FKBP3: variants seen among roughly 807,000 people sequenced by gnomAD.
FKBP3 encodes the protein peptidyl-prolyl cis-trans isomerase FKBP3.
A neutral mutation model predicts 30.6 loss-of-function variants in FKBP3; 21 were observed. The observed-to-expected ratio is 0.69, with a 90% CI of 0.49 to 0.99. The LOEUF (loss-of-function observed/expected upper bound fraction) is 0.99. Among genes scored for constraint, FKBP3 ranks in the 50% least tolerant of loss-of-function variants. The pLI is 0.00. For synonymous variants in FKBP3, 82 were observed against 91.3 expected (o/e 0.90, Z 0.58); for missense variants, 283 against 261.6 (o/e 1.08, Z -0.56).
At chr14:45,117,842 T>C (rs1402406853) in intron 6 of FKBP3, among the ~76,000 whole-genome samples, 186 bp downstream of exon 6, 1 of 152,230 alleles carries the variant, frequency 6.6e-6, no homozygotes, top group Non-Finnish European at 1.5e-5. Context: ...GTTTGAACTT[T>C]ATATCAATAG....
At chr14:45,132,987 GTTCT>G (rs1036427849) in intron 1 of FKBP3, among the ~76,000 whole-genome samples, 15 of 152,272 alleles carry the variant, frequency 9.9e-5, no homozygotes, top group African/African-American at 2.9e-4. Context: ...CCCGACACAT[GTTCT>G]TTTTCACCCT....
At chr14:45,131,575 G>A (rs558322779) in intron 1 of FKBP3, among the ~76,000 whole-genome samples, 26 of 143,796 alleles carry the variant, frequency 1.8e-4, no homozygotes, top group African/African-American at 6.2e-4. Context: ...GTTGCAGTGA[G>A]CCGAGATCGC....
At chr14:45,133,028 CTT>C (rs930198765) in intron 1 of FKBP3, among the ~76,000 whole-genome samples, 2 of 152,164 alleles carry the variant, frequency 1.3e-5, no homozygotes, top group African/African-American at 4.8e-5. Flanking sequence ...GAGAATAGTT[CTT>C]GTTACAGATG....
intron 3 of FKBP3, among the ~76,000 whole-genome samples, chr14:45,126,480 C>T (rs944558894): frequency 1.3e-5 from 2 of 151,610 alleles, no homozygotes; most frequent in Non-Finnish European, 2.9e-5. Context: ...AGAGCGTGAC[C>T]CCGTCTCAAA....
At chr14:45,131,873 A>G (rs911788945) in intron 1 of FKBP3, among the ~76,000 whole-genome samples, 1 of 152,234 alleles carries the variant, frequency 6.6e-6, no homozygotes, top group African/African-American at 2.4e-5. Flanking sequence ...TCAAGGTAAC[A>G]GCGGAATTGC....
At chr14:45,118,588 G>A (rs1884909920) in intron 5 of FKBP3, among the ~76,000 whole-genome samples, 1 of 151,992 alleles carries the variant, frequency 6.6e-6, no homozygotes, top group South Asian at 2.1e-4. Flanking sequence ...CCAGGATTGA[G>A]CCACTGCACT....
intron 3 of FKBP3, among the ~76,000 whole-genome samples, chr14:45,127,411 G>C (rs1196581740): frequency 6.6e-6 from 1 of 151,548 alleles, no homozygotes; most frequent in African/African-American, 2.4e-5. Context: ...CACCATGCCT[G>C]GCCTCCCAAC....
chr14:45,121,521 G>T lies in FKBP3; in HGVS notation c.418C>A (p.Gln140Lys), dbSNP rs1315616175. The change falls in exon 4 of 7, where the codon CAA becomes AAA. Residue 140 changes from glutamine (Q) to lysine (K), a missense_variant. Gln to Lys is a moderately conservative substitution (Grantham distance 53, BLOSUM62 1). Transcript: ENST00000396062. ...TTAGTATCAAAAACAGTCCCATCTT[G>T]TAGTGTTCCTGTATACCAGCAGTGA... Reference protein sequence around the residue: ...VVHCWYTGTLQDGTVFDTNIQ... With the variant: ...VVHCWYTGTLKDGTVFDTNIQ... 6.2e-7 allele frequency: 1 copy of T among 1,613,378 alleles called. No individual in the cohort carries two copies.
chr14:45,132,594 T>A (rs1231254838), intron 1 of FKBP3, among the ~76,000 whole-genome samples: 1 of 151,400 alleles, frequency 6.6e-6, no homozygotes, highest in East Asian at 1.9e-4. Flanking sequence ...AGAAATGAGG[T>A]TTCGCTACGT....
intron 2 of FKBP3, among the ~76,000 whole-genome samples, chr14:45,130,181 G>T (rs1885184486): frequency 1.3e-5 from 2 of 152,140 alleles, no homozygotes; most frequent in South Asian, 4.1e-4. Flanking sequence ...AGAGATATAA[G>T]CACTATTCAA....
At chr14:45,121,036 AG>A in intron 4 of FKBP3, 82 bp from the exon 5 acceptor site, 1 of 1,169,406 alleles carries the variant, frequency 8.6e-7, no homozygotes, top group Non-Finnish European at 1.2e-6. Context: ...ATTAAATTCC[AG>A]TGGAAAAATA....
intron 6 of FKBP3, among the ~76,000 whole-genome samples, chr14:45,117,716 T>C: frequency 6.6e-6 from 1 of 152,226 alleles, no homozygotes; most frequent in East Asian, 1.9e-4. Flanking sequence ...GTACTGGGCA[T>C]GGTAACTTTT....
At chr14:45,119,642 C>T (rs913885137) in intron 5 of FKBP3, among the ~76,000 whole-genome samples, 1 of 151,824 alleles carries the variant, frequency 6.6e-6, no homozygotes, top group African/African-American at 2.4e-5. Context: ...GAAAAATGGC[C>T]CAATTTGATA....
Position 45,132,546 on chromosome 14 carries a change from C to T in FKBP3, c.109-1746G>A, listed in dbSNP as rs570748419. 9.9e-5 allele frequency among the ~76,000 whole-genome samples: 15 copies of T among 152,056 alleles called. No individual in the cohort carries two copies. In the East Asian group the frequency reaches 2.5e-3, roughly 26 times the overall value. ...CCGAACAGCTGGGATTAGAGGCGCC[C>T]ACCACCAGGCCCAGCTAATTTTTTT... On this transcript the variant is annotated intron_variant, in intron 1 of 6. Coordinates refer to ENST00000396062, the MANE Select transcript of FKBP3 (RefSeq NM_002013.4).
chr14:45,132,681 C>T (rs1007644374), intron 1 of FKBP3, among the ~76,000 whole-genome samples: 2 of 151,960 alleles, frequency 1.3e-5, no homozygotes, highest in Non-Finnish European at 2.9e-5. Flanking sequence ...GTGATCCGCC[C>T]GCTTTGGCCT....
chr14:45,121,079 G>T, intron 4 of FKBP3, 125 bp from the exon 5 acceptor site: 1 of 789,444 alleles, frequency 1.3e-6, no homozygotes, highest in Non-Finnish European at 2.0e-6. Flanking sequence ...ACAATACTAT[G>T]TATTTTAAAA....
At chr14:45,125,696 G>C (rs1885080636) in intron 3 of FKBP3, among the ~76,000 whole-genome samples, 1 of 152,114 alleles carries the variant, frequency 6.6e-6, no homozygotes, top group African/African-American at 2.4e-5. Flanking sequence ...GCTTAGGAAT[G>C]TATGCAGTTG....
At chr14:45,129,713 A>G (rs1885174184) in intron 3 of FKBP3, 81 bp downstream of exon 3, 1 of 844,464 alleles carries the variant, frequency 1.2e-6, no homozygotes, top group Middle Eastern at 2.7e-4. Context: ...CTTCACTATG[A>G]GAAGTTAGTG....
At chr14:45,120,567 T>C (rs919739839) in intron 5 of FKBP3, among the ~76,000 whole-genome samples, 3 of 152,210 alleles carry the variant, frequency 2.0e-5, no homozygotes, top group Admixed American at 1.3e-4. Context: ...GACAAAGACT[T>C]ACTTTATGAA....
Sources: gnomAD v4.1 joint callset for allele counts (sites outside exome capture counted in the v4.1 genomes callset) on GRCh38, gnomAD v4.1.1 for gene constraint, MANE v1.5 for transcripts, NCBI Gene and HGNC (gene_info 2026-07-23, HGNC 2026-07-21) for gene names.